Variants in GALNTL6 observed in about 807,000 individuals in gnomAD.
GALNTL6 encodes the protein polypeptide N-acetylgalactosaminyltransferase-like 6.
GALNTL6 carries 46 observed loss-of-function variants against 73.7 expected under a neutral mutation model. That is an observed-to-expected ratio of 0.62 (90% CI 0.49 to 0.80). The LOEUF is 0.80. GALNTL6 is among the 30% of genes least tolerant of loss of function. The probability of loss-of-function intolerance (pLI) is 0.00; values close to 1 mark genes in which losing one functional copy is unlikely to be tolerated. For synonymous variants in GALNTL6, 259 were observed against 263.7 expected (o/e 0.98, Z 0.17); for missense variants, 604 against 755.0 (o/e 0.80, Z 2.34).
At chr4:172,608,560 A>C (rs971987178) in intron 5 of GALNTL6, among the ~76,000 whole-genome samples, 7 of 152,128 alleles carry the variant, frequency 4.6e-5, no homozygotes, top group African/African-American at 1.4e-4. Context: ...AAGTTAGGTA[A>C]TGTGATGCCT....
intron 4 of GALNTL6, among the ~76,000 whole-genome samples, chr4:172,329,482 A>C (rs930180408): frequency 1.4e-4 from 21 of 152,198 alleles, no homozygotes; most frequent in African/African-American, 4.6e-4. Context: ...AGGCTGCAAA[A>C]GAGCAAAGAT....
chr4:172,248,869 G>T (rs1024830565), intron 3 of GALNTL6, among the ~76,000 whole-genome samples: 1 of 152,116 alleles, frequency 6.6e-6, no homozygotes, highest in Admixed American at 6.5e-5. Flanking sequence ...GTTTTCTGAG[G>T]CCTCCCTACC....
intron 10 of GALNTL6, among the ~76,000 whole-genome samples, chr4:172,966,726 A>C (rs761881747): frequency 2.0e-5 from 3 of 152,206 alleles, no homozygotes; most frequent in African/African-American, 7.2e-5. Context: ...GCCAGTATGC[A>C]TTATTGGGCT....
At chr4:172,866,238 C>A (rs1744655601) in intron 7 of GALNTL6, among the ~76,000 whole-genome samples, 1 of 152,136 alleles carries the variant, frequency 6.6e-6, no homozygotes, top group Non-Finnish European at 1.5e-5. Flanking sequence ...AGCTTAAACC[C>A]TTCAGTAAAT....
intron 5 of GALNTL6, among the ~76,000 whole-genome samples, chr4:172,524,734 ATT>A (rs1309840066): frequency 2.0e-5 from 3 of 152,190 alleles, no homozygotes; most frequent in African/African-American, 7.2e-5. Flanking sequence ...CTTTTTTGAC[ATT>A]CTCTTAACAG....
At chr4:172,874,465 G>A (rs1475243622) in intron 7 of GALNTL6, among the ~76,000 whole-genome samples, 1 of 152,164 alleles carries the variant, frequency 6.6e-6, no homozygotes, top group African/African-American at 2.4e-5. Flanking sequence ...AGGTCATGTT[G>A]GAGGACAAAT....
chr4:172,678,069 T>A lies in GALNTL6; in HGVS notation c.554-131292T>A, dbSNP rs781029804. 2.0e-5 allele frequency among the ~76,000 whole-genome samples: 3 copies of A among 152,328 alleles called. No individual in the cohort carries two copies. The East Asian group carries it at 5.8e-4, about 30-fold the overall frequency. ...AATTCATGTGCGTGTCTTTGTTTAG[T>A]GCAACCAAGCCCCCACATAGACATT... is the stretch of plus-strand genomic sequence containing the variant. On this transcript the variant is annotated intron_variant, in intron 5 of 12. Coordinates refer to ENST00000506823, the MANE Select transcript of GALNTL6 (RefSeq NM_001034845.3).
intron 2 of GALNTL6, among the ~76,000 whole-genome samples, chr4:171,994,492 G>T (rs1740428993): frequency 6.6e-6 from 1 of 152,004 alleles, no homozygotes; most frequent in African/African-American, 2.4e-5. Flanking sequence ...GCTTAGAAGG[G>T]TATGATGGAC....
intron 2 of GALNTL6, among the ~76,000 whole-genome samples, chr4:171,897,585 G>A (rs187720377): frequency 7.4e-4 from 112 of 152,196 alleles, no homozygotes; most frequent in African/African-American, 2.3e-3. Context: ...CACTTTGGGA[G>A]GCCGAGGCAT....
At chr4:172,526,665 G>C (rs551599436) in intron 5 of GALNTL6, among the ~76,000 whole-genome samples, 1 of 152,274 alleles carries the variant, frequency 6.6e-6, no homozygotes, top group South Asian at 2.1e-4. Flanking sequence ...TGAGATAAGA[G>C]CTGCCAGCAG....
At chr4:172,603,758 T>A (rs1165479983) in intron 5 of GALNTL6, among the ~76,000 whole-genome samples, 1 of 152,250 alleles carries the variant, frequency 6.6e-6, no homozygotes, top group South Asian at 2.1e-4. Flanking sequence ...ATGTCAATGC[T>A]TGATTCCATG....
At chr4:171,874,498 T>C (rs533192213) in intron 2 of GALNTL6, among the ~76,000 whole-genome samples, 1 of 152,294 alleles carries the variant, frequency 6.6e-6, no homozygotes, top group East Asian at 1.9e-4. Flanking sequence ...CCTCATGTTC[T>C]ATTTTTTAAA....
chr4:172,166,679 T>C (rs1734634848), intron 2 of GALNTL6, among the ~76,000 whole-genome samples: 1 of 152,220 alleles, frequency 6.6e-6, no homozygotes, highest in Non-Finnish European at 1.5e-5. Flanking sequence ...CAAGTATTGA[T>C]GTTGATCTTC....
At chr4:172,373,642 C>T (rs1742908483) in intron 5 of GALNTL6, among the ~76,000 whole-genome samples, 1 of 152,236 alleles carries the variant, frequency 6.6e-6, no homozygotes, top group Admixed American at 6.5e-5. Context: ...GGTTGATTCC[C>T]TCTTCAAGTA....
intron 2 of GALNTL6, among the ~76,000 whole-genome samples, chr4:171,950,502 A>G (rs1169033155): frequency 2.2e-5 from 3 of 139,278 alleles, no homozygotes; most frequent in East Asian, 4.1e-4. Context: ...TTTTTTTGAG[A>G]TGAAGTCTTG....
At chr4:172,502,407 A>G (rs1020704804) in intron 5 of GALNTL6, among the ~76,000 whole-genome samples, 2 of 152,214 alleles carry the variant, frequency 1.3e-5, no homozygotes, top group African/African-American at 4.8e-5. Flanking sequence ...ACTTCAAGTT[A>G]TAACTATGGT....
At chr4:172,058,871 G>C (rs946758070) in intron 2 of GALNTL6, among the ~76,000 whole-genome samples, 1 of 152,114 alleles carries the variant, frequency 6.6e-6, no homozygotes, top group African/African-American at 2.4e-5. Flanking sequence ...AGAAGACGGT[G>C]ACTTGAGCAT....
intron 8 of GALNTL6, among the ~76,000 whole-genome samples, chr4:172,904,296 A>T (rs1365139901): frequency 2.0e-5 from 3 of 152,186 alleles, no homozygotes; most frequent in African/African-American, 7.2e-5. Flanking sequence ...TTACAGAAGA[A>T]ATAGAGAGCG....
chr4:172,260,098 G>T (rs1011628834), intron 3 of GALNTL6, among the ~76,000 whole-genome samples: 2 of 151,568 alleles, frequency 1.3e-5, no homozygotes, highest in African/African-American at 2.4e-5. Flanking sequence ...GGTTCCATAT[G>T]AATTTTAGGA....
Sources: gnomAD v4.1 joint callset for allele counts (sites outside exome capture counted in the v4.1 genomes callset) on GRCh38, gnomAD v4.1.1 for gene constraint, MANE v1.5 for transcripts, NCBI Gene and HGNC (gene_info 2026-07-23, HGNC 2026-07-21) for gene names.